The following ALPK2 variants were observed in gnomAD, a reference collection of about 807,000 sequenced individuals.
ALPK2 encodes alpha kinase 2.
In ALPK2, 127 loss-of-function variants were observed where a neutral mutation model predicts 163.1. The observed-to-expected ratio is 0.78, with a 90% CI of 0.67 to 0.90. ALPK2 has a LOEUF of 0.90. Ranked by LOEUF, ALPK2 falls within the 40% of genes least tolerant of loss-of-function variation. ALPK2 has a pLI of 0.00. For missense variants in ALPK2, 2,360 were observed against 2,589.6 expected, an observed-to-expected ratio of 0.91 and a Z score of 1.92; for synonymous variants, 953 against 959.1, an observed-to-expected ratio of 0.99 and a Z score of 0.12.
intron 3 of ALPK2, among the ~76,000 whole-genome samples, chr18:58,601,683 G>A (rs76969384): frequency 0.11 from 16,668 of 152,066 alleles, 995 homozygotes; most frequent in East Asian, 0.17. Flanking sequence ...ATCCACTGCC[G>A]GGCCTGTCAG....
intron 2 of ALPK2, among the ~76,000 whole-genome samples, chr18:58,607,790 AG>A (rs566823527): frequency 2.7e-4 from 41 of 152,242 alleles, no homozygotes; most frequent in Non-Finnish European, 4.7e-4. Context: ...ATGAAGGCAA[AG>A]GCCCATCCAA....
At chr18:58,486,691 A>G (rs1182409973) in intron 12 of ALPK2, among the ~76,000 whole-genome samples, 1 of 152,122 alleles carries the variant, frequency 6.6e-6, no homozygotes, top group Non-Finnish European at 1.5e-5. Flanking sequence ...TTTGCTACCT[A>G]GCATTTACAG....
At chr18:58,529,324 G>A in intron 5 of ALPK2, 86 bp from the exon 6 acceptor site, 1 of 1,321,862 alleles carries the variant, frequency 7.6e-7, no homozygotes, top group Non-Finnish European at 1.0e-6. Flanking sequence ...CTGAGAGACA[G>A]GAATATTAAT....
rs542070674 is a variant in ALPK2 at position 58,628,059 on chromosome 18, C to G, written c.-21+705G>C. ...AATGTCTGTAACTGACACCCTTAAT[C>G]AAGGCTTTTAAAGTTTAGATGTGTT... is the stretch of plus-strand genomic sequence containing the variant. On this transcript the variant is annotated intron_variant, in intron 1 of 12. Coordinates refer to ENST00000361673, the MANE Select transcript of ALPK2 (RefSeq NM_052947.4). Among the ~76,000 whole-genome samples the G allele has an allele frequency of 5.9e-5, 9 of 152,302 alleles. No homozygotes were observed. The East Asian group carries it at 1.4e-3, about 23-fold the overall frequency.
intron 4 of ALPK2, among the ~76,000 whole-genome samples, chr18:58,539,838 G>A (rs2051681296): frequency 6.6e-6 from 1 of 152,180 alleles, no homozygotes; most frequent in Non-Finnish European, 1.5e-5. Flanking sequence ...CAGGACAACA[G>A]CATAATCACA....
intron 6 of ALPK2, among the ~76,000 whole-genome samples, chr18:58,526,735 T>C (rs2051587002): frequency 6.6e-6 from 1 of 152,186 alleles, no homozygotes; most frequent in African/African-American, 2.4e-5. Context: ...TCGAAGTATA[T>C]TAGTCTTGCC....
chr18:58,534,556 T>C (rs556893340), intron 5 of ALPK2, among the ~76,000 whole-genome samples: 3 of 152,202 alleles, frequency 2.0e-5, no homozygotes, highest in Non-Finnish European at 4.4e-5. Context: ...AGGCGGCCTT[T>C]ATCAGTGGTT....
At chr18:58,591,929 T>A (rs1457998658) in intron 3 of ALPK2, among the ~76,000 whole-genome samples, 1 of 152,100 alleles carries the variant, frequency 6.6e-6, no homozygotes, top group Non-Finnish European at 1.5e-5. Context: ...TGCCAAGAGG[T>A]GGCTGAGCCC....
At chr18:58,487,417 C>T (rs890026845) in intron 12 of ALPK2, among the ~76,000 whole-genome samples, 4 of 152,290 alleles carry the variant, frequency 2.6e-5, no homozygotes, top group East Asian at 1.9e-4. Flanking sequence ...CCAACCCTGC[C>T]AACCCCTTGA....
Position 58,578,808 on chromosome 18 carries a change from T to C in ALPK2, c.1962+6A>G, listed in dbSNP as rs760220719. The C allele has an allele frequency of 1.2e-6, 2 of 1,600,368 alleles. No homozygotes were observed. Among genetic ancestry groups the C allele is most frequent in the East Asian group, 4.5e-5 (2 of 44,552 alleles). On this transcript the variant is annotated splice_donor_region_variant and intron_variant, in intron 4 of 12. Coordinates refer to ENST00000361673, the MANE Select transcript of ALPK2 (RefSeq NM_052947.4). ...TCTCGTAATTTCTTTAAAAGAAAAG[T>C]CTTACCTGAGGAGGATCACTCCAGT... is the stretch of plus-strand genomic sequence containing the variant.
At chr18:58,516,063 A>C (rs11663649) in intron 9 of ALPK2, among the ~76,000 whole-genome samples, 2 of 151,626 alleles carry the variant, frequency 1.3e-5, no homozygotes, top group African/African-American at 2.4e-5. Context: ...GAAAAAAAAA[A>C]TAAAAATTAG....
At position 58,555,089 on chromosome 18, in the gene ALPK2, T is replaced by C. The variant is rs149141160; in HGVS notation, c.1963-16865A>G. Among the ~76,000 whole-genome samples, 569 of 152,236 alleles carry C rather than the reference T, an allele frequency of 3.7e-3. 2 individuals carry two copies. The highest frequency in any genetic ancestry group is 0.024 in the Middle Eastern group (7 of 294). On this transcript the variant is annotated intron_variant, in intron 4 of 12. Coordinates refer to ENST00000361673, the MANE Select transcript of ALPK2 (RefSeq NM_052947.4). ...GTATCTGTTCATAGCAGTATGAAAA[T>C]GGACTAATACACAGCTCAACAGGCA...
At chr18:58,486,533 A>G (rs1005092017) in intron 12 of ALPK2, among the ~76,000 whole-genome samples, 1 of 152,164 alleles carries the variant, frequency 6.6e-6, no homozygotes, top group African/African-American at 2.4e-5. Context: ...AAAGAACAAA[A>G]TGAATGGGGC....
Position 58,583,311 on chromosome 18 carries a change from G to A in ALPK2, c.228-2763C>T, listed in dbSNP as rs185709906. 8.3e-4 allele frequency among the ~76,000 whole-genome samples: 126 copies of A among 152,194 alleles called. 1 individual carries two copies. The highest frequency in any genetic ancestry group is 3.4e-3 in the Middle Eastern group (1 of 294). On this transcript the variant is annotated intron_variant, in intron 3 of 12. Transcript: ENST00000361673. ...TGGTCAGTTATGCCTAAACTACAAA[G>A]AGAGGAGGGTATAATGAGGCGCGTC... is the stretch of plus-strand genomic sequence containing the variant.
chr18:58,611,035 A>G (rs2052127093), intron 2 of ALPK2, among the ~76,000 whole-genome samples: 1 of 151,416 alleles, frequency 6.6e-6, no homozygotes, highest in East Asian at 1.9e-4. Flanking sequence ...CGGAGGTTGC[A>G]GTGAGCTGAG....
chr18:58,572,809 T>C (rs926027933), intron 4 of ALPK2, among the ~76,000 whole-genome samples: 1 of 152,338 alleles, frequency 6.6e-6, no homozygotes, highest in East Asian at 1.9e-4. Context: ...TGGTAGTGGA[T>C]ACAGGAACCT....
At chr18:58,596,296 CTCTA>C (rs2052040922) in intron 3 of ALPK2, among the ~76,000 whole-genome samples, 1 of 152,214 alleles carries the variant, frequency 6.6e-6, no homozygotes, top group Admixed American at 6.5e-5. Flanking sequence ...CTGTGTCCCT[CTCTA>C]TCTCCTTGAT....
At chr18:58,516,357 G>A (rs1256763174) in intron 9 of ALPK2, among the ~76,000 whole-genome samples, 1 of 152,236 alleles carries the variant, frequency 6.6e-6, no homozygotes, top group Non-Finnish European at 1.5e-5. Flanking sequence ...ACACAGAGAA[G>A]TGGGAACTCA....
chr18:58,618,554 G>A (rs1568102974), intron 1 of ALPK2, among the ~76,000 whole-genome samples: 1 of 152,120 alleles, frequency 6.6e-6, no homozygotes, highest in Non-Finnish European at 1.5e-5. Flanking sequence ...TGACCATTAT[G>A]GAATTTGAGT....
Sources: gnomAD v4.1 joint callset for allele counts (sites outside exome capture counted in the v4.1 genomes callset) on GRCh38, gnomAD v4.1.1 for gene constraint, MANE v1.5 for transcripts, NCBI Gene and HGNC (gene_info 2026-07-23, HGNC 2026-07-21) for gene names.